Variants in CCDC73 observed in about 807,000 individuals in gnomAD.
CCDC73 encodes the protein coiled-coil domain-containing protein 73.
CCDC73 carries 95 observed loss-of-function variants against 116.5 expected under a neutral mutation model. That is an observed-to-expected ratio of 0.82 (90% CI 0.69 to 0.97). CCDC73 has a LOEUF of 0.97. Among genes scored for constraint, CCDC73 ranks in the 50% least tolerant of loss-of-function variants. CCDC73 has a pLI of 0.00. For missense variants in CCDC73, 1,066 were observed against 1,206.8 expected, an observed-to-expected ratio of 0.88 and a Z score of 1.73; for synonymous variants, 398 against 401.3, an observed-to-expected ratio of 0.99 and a Z score of 0.10.
Position 32,757,556 on chromosome 11 carries a change from C to T in CCDC73, c.135+2553G>A, listed in dbSNP as rs569305926. Among the ~76,000 whole-genome samples the T allele has an allele frequency of 5.3e-5, 8 of 152,230 alleles. No individual in the cohort carries two copies. In the East Asian group the frequency reaches 1.4e-3, roughly 26 times the overall value. On this transcript the variant is annotated intron_variant, in intron 2 of 17. Transcript: ENST00000335185. ...AAAACAACTCAAATTTATTCTGTTGCAGTTCTGGAGGTCAGAAGTCCAAGG... is the reference window on the plus strand; with the variant it reads ...AAAACAACTCAAATTTATTCTGTTGTAGTTCTGGAGGTCAGAAGTCCAAGG...
rs1332493223 is a variant in CCDC73 at position 32,749,213 on chromosome 11, T to C, written c.135+10896A>G. On this transcript the variant is annotated intron_variant, in intron 2 of 17. Coordinates refer to ENST00000335185, the MANE Select transcript of CCDC73 (RefSeq NM_001008391.4). ...TTGAGGCTATTTTCTCGATTTTGTA[T>C]GTGTGTTTCTTTTTTCTCTGACTGT... is the stretch of plus-strand genomic sequence containing the variant. Among the ~76,000 whole-genome samples, 11 of 152,170 alleles carry C rather than the reference T, an allele frequency of 7.2e-5. 1 individual carries two copies. The highest frequency in any genetic ancestry group is 3.9e-4 in the East Asian group (2 of 5,144).
intron 6 of CCDC73, among the ~76,000 whole-genome samples, chr11:32,688,757 A>G (rs950054537): frequency 5.3e-5 from 8 of 152,222 alleles, no homozygotes; most frequent in Non-Finnish European, 1.2e-4. Flanking sequence ...AAAAAAACTT[A>G]AGTGATTCTT....
At chr11:32,743,469 T>G (rs1042947035) in intron 2 of CCDC73, among the ~76,000 whole-genome samples, 3 of 152,158 alleles carry the variant, frequency 2.0e-5, no homozygotes, top group Non-Finnish European at 4.4e-5. Context: ...AATAAAGATG[T>G]TCTTTGAAAC....
intron 2 of CCDC73, among the ~76,000 whole-genome samples, chr11:32,732,836 G>A (rs535780654): frequency 5.3e-5 from 8 of 152,108 alleles, no homozygotes; most frequent in Admixed American, 1.3e-4. Context: ...AAAGACCCTC[G>A]ATGCTAGGAA....
chr11:32,616,069 T>A lies in CCDC73; in HGVS notation c.1246A>T (p.Ile416Phe), dbSNP rs191760480. 2.1e-4 allele frequency: 328 copies of A among 1,591,486 alleles called. No individual in the cohort carries two copies. Among genetic ancestry groups the A allele is most frequent in the Non-Finnish European group, 2.7e-4 (313 of 1,172,572 alleles). ...EMSTEKSENT[I>F]IQKYNTEQEI... ...TGCTCAGTATTATATTTCTGTATAATGGTGTTTTCTGATTTTTCAGTTGAC... is the reference window on the plus strand; with the variant it reads ...TGCTCAGTATTATATTTCTGTATAAAGGTGTTTTCTGATTTTTCAGTTGAC... The change falls in exon 15 of 18, where the codon ATT becomes TTT. Residue 416 changes from isoleucine (I) to phenylalanine (F), a missense_variant. Ile to Phe is a conservative substitution (Grantham distance 21). Transcript: ENST00000335185.
intron 2 of CCDC73, among the ~76,000 whole-genome samples, chr11:32,729,056 G>A (rs1850053795): frequency 6.6e-6 from 1 of 151,096 alleles, no homozygotes; most frequent in Admixed American, 6.6e-5. Flanking sequence ...TGTGCAGGAT[G>A]TGCAGGTCTG....
rs540582642 is a variant in CCDC73 at position 32,794,624 on chromosome 11, G to T, written c.-27C>A. ...CTGCTCCGACTTACCTCAGCGAAGC[G>T]CGCCTCTAGCTCCTGTTGGCCCTTC... is the stretch of plus-strand genomic sequence containing the variant. On this transcript the variant is annotated 5_prime_UTR_variant, in exon 1 of 18. Coordinates refer to ENST00000335185, the MANE Select transcript of CCDC73 (RefSeq NM_001008391.4). The T allele has an allele frequency of 2.6e-5, 4 of 152,284 alleles. No individual in the cohort carries two copies. Among genetic ancestry groups the T allele is most frequent in the East Asian group, 1.9e-4 (1 of 5,198 alleles). The allele number at this position is 152,284 out of a possible 1,614,324, so 9.4% of individuals were successfully genotyped here. A position where few individuals can be genotyped will look rare whatever the true frequency, so the allele number is the denominator to read the frequency against.
At chr11:32,674,681 C>T (rs1398615179) in intron 9 of CCDC73, among the ~76,000 whole-genome samples, 1 of 152,132 alleles carries the variant, frequency 6.6e-6, no homozygotes, top group Non-Finnish European at 1.5e-5. Flanking sequence ...GACTGCCAGC[C>T]ACAATAGAGG....
intron 9 of CCDC73, among the ~76,000 whole-genome samples, chr11:32,666,981 C>T (rs1855989645): frequency 6.6e-6 from 1 of 152,186 alleles, no homozygotes; most frequent in Non-Finnish European, 1.5e-5. Flanking sequence ...GTGAATATCG[C>T]TCAACAGCAA....
intron 14 of CCDC73, among the ~76,000 whole-genome samples, chr11:32,619,975 G>A (rs1487851404): frequency 2.6e-5 from 4 of 152,206 alleles, no homozygotes; most frequent in South Asian, 2.1e-4. Context: ...ATAAAATGCC[G>A]ATGAAAATCT....
intron 7 of CCDC73, among the ~76,000 whole-genome samples, chr11:32,678,269 A>G (rs995606717): frequency 2.6e-5 from 4 of 151,914 alleles, no homozygotes; most frequent in African/African-American, 9.7e-5. Context: ...CTAGAGTGAG[A>G]CTCCGTCTCA....
chr11:32,609,478 G>A (rs1304145535), intron 17 of CCDC73, among the ~76,000 whole-genome samples: 6 of 152,012 alleles, frequency 3.9e-5, no homozygotes, highest in Admixed American at 3.9e-4. Flanking sequence ...CCATATCATT[G>A]TCAACATTTT....
At chr11:32,761,245 C>T (rs939809679) in intron 1 of CCDC73, among the ~76,000 whole-genome samples, 48 of 152,056 alleles carry the variant, frequency 3.2e-4, no homozygotes, top group African/African-American at 1.1e-3. Flanking sequence ...AAGGTTCATC[C>T]AGATTGTTAC....
intron 12 of CCDC73, among the ~76,000 whole-genome samples, chr11:32,645,792 T>G (rs1855773877): frequency 6.6e-6 from 1 of 152,192 alleles, no homozygotes; most frequent in Non-Finnish European, 1.5e-5. Context: ...TGTTGTGCTA[T>G]GACAATATGA....
intron 2 of CCDC73, among the ~76,000 whole-genome samples, chr11:32,734,562 G>T (rs1169987428): frequency 1.3e-5 from 2 of 151,912 alleles, no homozygotes; most frequent in African/African-American, 4.8e-5. Context: ...CTAGGCAGAG[G>T]ACCCTGCAGC....
intron 1 of CCDC73, among the ~76,000 whole-genome samples, chr11:32,769,942 T>C (rs1312189193): frequency 6.6e-6 from 1 of 152,208 alleles, no homozygotes; most frequent in Non-Finnish European, 1.5e-5. Flanking sequence ...GCATATATTT[T>C]AGATTTGTAT....
intron 2 of CCDC73, among the ~76,000 whole-genome samples, chr11:32,730,108 T>G (rs928265212): frequency 2.6e-5 from 4 of 152,220 alleles, no homozygotes; most frequent in African/African-American, 7.2e-5. Context: ...CTGCACATCC[T>G]TGTAAATTTG....
At position 32,695,097 on chromosome 11, in the gene CCDC73, G is replaced by T. The variant is rs1423361023; in HGVS notation, c.390+4154C>A. On this transcript the variant is annotated intron_variant, in intron 6 of 17. Transcript: ENST00000335185. ...TTAAAAGAGCTTGCTGTCCGGGTGT[G>T]GTGGCTCACGCCTGTAATCCCAGCA... 3.9e-5 allele frequency among the ~76,000 whole-genome samples: 6 copies of T among 152,232 alleles called. No individual in the cohort carries two copies. In the South Asian group the frequency reaches 1.2e-3, roughly 32 times the overall value.
At chr11:32,622,723 C>T (rs1444171366) in intron 14 of CCDC73, among the ~76,000 whole-genome samples, 5 of 50,844 alleles carry the variant, frequency 9.8e-5, no homozygotes, top group Admixed American at 4.9e-4. Context: ...CTCACTTGGG[C>T]GGGGTGGGGG....
Sources: gnomAD v4.1 joint callset for allele counts (sites outside exome capture counted in the v4.1 genomes callset) on GRCh38, gnomAD v4.1.1 for gene constraint, MANE v1.5 for transcripts, NCBI Gene and HGNC (gene_info 2026-07-23, HGNC 2026-07-21) for gene names.